The following EGFR variants were observed in gnomAD, a reference collection of about 807,000 sequenced individuals.
EGFR encodes avian erythroblastic leukemia viral (v-erb-b) oncogene homolog.
In EGFR, 58 loss-of-function variants were observed where a neutral mutation model predicts 143.0. The ratio of observed to expected loss-of-function variants is 0.41; its 90% CI spans 0.33 to 0.50. The LOEUF is 0.50. Among genes scored for constraint, EGFR ranks in the 20% least tolerant of loss-of-function variants. EGFR has a pLI of 0.39. For synonymous variants in EGFR, 613 were observed against 594.4 expected (o/e 1.03, Z -0.45); for missense variants, 1,307 against 1,579.0 (o/e 0.83, Z 2.92).
At chr7:55,045,419 G>A (rs747080671) in intron 1 of EGFR, among the ~76,000 whole-genome samples, 1 of 152,172 alleles carries the variant, frequency 6.6e-6, no homozygotes, top group Admixed American at 6.5e-5. Context: ...GCTTTTCTAT[G>A]ACAGGTTTTT....
chr7:55,031,733 C>G (rs993023537), intron 1 of EGFR, among the ~76,000 whole-genome samples: 2 of 152,332 alleles, frequency 1.3e-5, no homozygotes, highest in Non-Finnish European at 1.5e-5. Flanking sequence ...TAGTCACGAA[C>G]TCAAGGCCTA....
At chr7:55,115,601 C>T (rs1284330622) in intron 1 of EGFR, among the ~76,000 whole-genome samples, 1 of 152,176 alleles carries the variant, frequency 6.6e-6, no homozygotes, top group Non-Finnish European at 1.5e-5. Flanking sequence ...TCCTGGAAGC[C>T]TTCCTGAAGG....
intron 1 of EGFR, among the ~76,000 whole-genome samples, chr7:55,031,215 C>A (rs1019993749): frequency 6.6e-6 from 1 of 152,144 alleles, no homozygotes; most frequent in Non-Finnish European, 1.5e-5. Context: ...ATTTTTCAGG[C>A]CTGTGATGAC....
intron 1 of EGFR, among the ~76,000 whole-genome samples, chr7:55,086,359 TTTCC>T (rs1228343899): frequency 3.0e-5 from 3 of 100,422 alleles, no homozygotes; most frequent in African/African-American, 9.4e-5. Flanking sequence ...TTTTGCTCCC[TTTCC>T]CTTTGAAGAA....
chr7:55,102,966 C>T (rs917557427), intron 1 of EGFR, among the ~76,000 whole-genome samples: 2 of 152,150 alleles, frequency 1.3e-5, no homozygotes, highest in Non-Finnish European at 2.9e-5. Flanking sequence ...ATAAGAAGGC[C>T]ACGTGCTTTG....
chr7:55,097,927 A>G (rs1791575590), intron 1 of EGFR, among the ~76,000 whole-genome samples: 1 of 152,212 alleles, frequency 6.6e-6, no homozygotes, highest in African/African-American at 2.4e-5. Flanking sequence ...ATTTTTAAAA[A>G]CATGACACTC....
At chr7:55,023,668 A>AAT (rs1425274206) in intron 1 of EGFR, among the ~76,000 whole-genome samples, 2 of 151,688 alleles carry the variant, frequency 1.3e-5, no homozygotes, top group African/African-American at 4.9e-5. Flanking sequence ...AAAAAAAAAA[A>AAT]ACAGATTCTG....
At chr7:55,070,852 A>T (rs1789781245) in intron 1 of EGFR, among the ~76,000 whole-genome samples, 1 of 152,246 alleles carries the variant, frequency 6.6e-6, no homozygotes, top group South Asian at 2.1e-4. Flanking sequence ...ACCAGTCTTG[A>T]AAAAGGAAAG....
At chr7:55,062,323 T>A (rs544499290) in intron 1 of EGFR, among the ~76,000 whole-genome samples, 234 of 151,906 alleles carry the variant, frequency 1.5e-3, no homozygotes, top group African/African-American at 5.5e-3. Context: ...GAGGCAGGAG[T>A]GTTGGCTTTG....
At chr7:55,188,804 A>C (rs1326578729) in intron 20 of EGFR, 1 of 152,098 alleles carries the variant, frequency 6.6e-6, no homozygotes, top group East Asian at 1.9e-4. Flanking sequence ...TTCACATGGG[A>C]TTCTCTCCTT....
chr7:55,070,175 G>A (rs1164549117), intron 1 of EGFR, among the ~76,000 whole-genome samples: 1 of 152,066 alleles, frequency 6.6e-6, no homozygotes, highest in African/African-American at 2.4e-5. Context: ...CCTATCCCAG[G>A]CTGCATCTAA....
chr7:55,053,733 C>A (rs116194281), intron 1 of EGFR, among the ~76,000 whole-genome samples: 2,774 of 152,362 alleles, frequency 0.018, 85 homozygotes, highest in African/African-American at 0.062. Context: ...GCACTCCGCT[C>A]CCCAACCCAG....
chr7:55,035,397 C>T (rs899155934), intron 1 of EGFR, among the ~76,000 whole-genome samples: 1 of 151,654 alleles, frequency 6.6e-6, no homozygotes, highest in African/African-American at 2.4e-5. Context: ...AGTGTGGTGG[C>T]TCACACCTGT....
intron 7 of EGFR, 48 bp from the exon 8 acceptor site, chr7:55,155,782 G>C (rs1316565057): frequency 6.6e-7 from 1 of 1,525,238 alleles, no homozygotes; most frequent in Admixed American, 1.7e-5. Flanking sequence ...TGAGGCCCGA[G>C]CACCTGGTGC....
chr7:55,197,960 CT>C (rs1562803013), intron 22 of EGFR, among the ~76,000 whole-genome samples: 1 of 152,072 alleles, frequency 6.6e-6, no homozygotes, highest in Admixed American at 6.6e-5. Context: ...CTGAAGTTTT[CT>C]TTTTTTGTTG....
In EGFR at chr7:55,202,618, A is replaced by G. The variant is rs779392990; in HGVS notation, c.3264A>G (p.Pro1088=). The G allele has an allele frequency of 6.2e-7, 1 of 1,612,244 alleles. No individual in the cohort carries two copies. Among genetic ancestry groups the G allele is most frequent in the Admixed American group, 1.7e-5 (1 of 59,880 alleles). The change falls in exon 27 of 28, where the codon CCA becomes CCG. Residue 1088 remains proline (P), a synonymous_variant. Transcript: ENST00000275493. ...TEDSIDDTFL[P]VPEYINQSVP... ...ACAGCATAGACGACACCTTCCTCCC[A>G]GTGCCTGGTGAGTGGCTTGTCTGGA...
rs1788225686 is a variant in EGFR at position 55,211,072 on chromosome 7, A to T, written c.*5455A>T. ...GTAGCAGGCAGTGTGTTTTCCTTCC[A>T]TGTCTCTCTGCACTACCTGCAGTGT... On this transcript the variant is annotated 3_prime_UTR_variant, in exon 28 of 28. Coordinates refer to ENST00000275493, the MANE Select transcript of EGFR (RefSeq NM_005228.5). 1.3e-5 allele frequency: 2 copies of T among 152,218 alleles called. No homozygotes were observed. The highest frequency in any genetic ancestry group is 2.9e-5 in the Non-Finnish European group (2 of 68,038). The allele number at this position is 152,218 out of a possible 1,614,324, so 9.4% of individuals were successfully genotyped here. A position where few individuals can be genotyped will look rare whatever the true frequency, so the allele number is the denominator to read the frequency against.
At chr7:55,167,424 G>A in intron 15 of EGFR, among the ~76,000 whole-genome samples, 1 of 148,556 alleles carries the variant, frequency 6.7e-6, no homozygotes, top group Non-Finnish European at 1.5e-5. Flanking sequence ...TGAGGGTGGT[G>A]ATGGTGATGA....
intron 1 of EGFR, among the ~76,000 whole-genome samples, chr7:55,137,195 A>AG (rs1197219963): frequency 6.6e-6 from 1 of 152,194 alleles, no homozygotes; most frequent in Non-Finnish European, 1.5e-5. Flanking sequence ...AAGGAAGCAA[A>AG]GATGCGAAGA....
Sources: allele counts gnomAD v4.1 joint callset (sites outside exome capture counted in the v4.1 genomes callset), GRCh38; gene constraint gnomAD v4.1.1; transcripts MANE v1.5; gene names NCBI Gene and HGNC (gene_info 2026-07-23, HGNC 2026-07-21).